ZDHHC14: variants seen among roughly 807,000 people sequenced by gnomAD.
The protein encoded by ZDHHC14 is zDHHC palmitoyltransferase 14, also known as palmitoyltransferase ZDHHC14.
A neutral mutation model predicts 47.7 loss-of-function variants in ZDHHC14; 16 were observed. The observed-to-expected ratio is 0.34, with a 90% CI of 0.23 to 0.51. The LOEUF is 0.51. ZDHHC14 is among the 20% of genes least tolerant of loss of function. ZDHHC14 has a pLI of 0.97. For synonymous variants in ZDHHC14, 293 were observed against 278.9 expected, an observed-to-expected ratio of 1.05 and a Z score of -0.50; for missense variants, 515 against 662.5, an observed-to-expected ratio of 0.78 and a Z score of 2.44.
At position 157,452,945 on chromosome 6, in the gene ZDHHC14, T is replaced by C. The variant is rs371315157; in HGVS notation, c.245+70679T>C. 3.4e-4 allele frequency among the ~76,000 whole-genome samples: 52 copies of C among 152,198 alleles called. No homozygotes were observed. In the South Asian group the frequency reaches 3.7e-3, roughly 11 times the overall value. On this transcript the variant is annotated intron_variant, in intron 1 of 8. Transcript: ENST00000359775. ...GTCTCAAACTCCTAATCTCAAATGATCCACCCGCCTTGGCCTCCCAAAGGG... is the reference window on the plus strand; with the variant it reads ...GTCTCAAACTCCTAATCTCAAATGACCCACCCGCCTTGGCCTCCCAAAGGG...
Position 157,674,548 on chromosome 6 carries a change from T to TAAATCTAACA in ZDHHC14, c.*1427_*1436dup, listed in dbSNP as rs930242170. 28 of 152,314 alleles carry TAAATCTAACA rather than the reference T, an allele frequency of 1.8e-4. No individual in the cohort carries two copies. Among genetic ancestry groups the TAAATCTAACA allele is most frequent in the African/African-American group, 6.0e-4 (25 of 41,552 alleles). The allele number at this position is 152,314 out of a possible 1,614,324, so 9.4% of individuals were successfully genotyped here. A position where few individuals can be genotyped will look rare whatever the true frequency, so the allele number is the denominator to read the frequency against. On this transcript the variant is annotated 3_prime_UTR_variant, in exon 9 of 9. Coordinates refer to ENST00000359775, the MANE Select transcript of ZDHHC14 (RefSeq NM_024630.3). ...CCTCTCCTGGCTTCTTTCCAGACCA[T>TAAATCTAACA]AAATCTAACAGCTAAAGCTACTCAA... is the stretch of plus-strand genomic sequence containing the variant.
Position 157,573,252 on chromosome 6 carries a change from C to T in ZDHHC14, c.407-19736C>T, listed in dbSNP as rs563186163. On this transcript the variant is annotated intron_variant, in intron 2 of 8. Transcript: ENST00000359775. ...GGGGACTCCTCTGCAAGTCAGAGCG[C>T]GGTCAGGGCTCTCCAACCCTTGCAC... Among the ~76,000 whole-genome samples the T allele has an allele frequency of 6.6e-5, 10 of 152,278 alleles. No homozygotes were observed. In the South Asian group the frequency reaches 8.3e-4, roughly 13 times the overall value.
chr6:157,628,574 A>G, intron 4 of ZDHHC14, 88 bp downstream of exon 4: 1 of 1,526,478 alleles, frequency 6.6e-7, no homozygotes. Context: ...TATTTTGGTC[A>G]TTTCGGGCTT....
At position 157,642,074 on chromosome 6, in the gene ZDHHC14, C is replaced by T. The variant is rs1415307809; in HGVS notation, c.753-3663C>T. Among the ~76,000 whole-genome samples the T allele has an allele frequency of 4.4e-5, 6 of 135,440 alleles. No homozygotes were observed. In the East Asian group the frequency reaches 1.4e-3, roughly 32 times the overall value. 88.9% of individuals were successfully genotyped at this position (135,440 alleles called of 152,430 possible). A position where few individuals can be genotyped will look rare whatever the true frequency, so the allele number is the denominator to read the frequency against. On this transcript the variant is annotated intron_variant, in intron 5 of 8. Transcript: ENST00000359775. ...GATAGATAGATAGATAGATAGTTATCATGTTGGAAATTAGAACTAAAAAAA... is the reference window on the plus strand; with the variant it reads ...GATAGATAGATAGATAGATAGTTATTATGTTGGAAATTAGAACTAAAAAAA...
intron 5 of ZDHHC14, among the ~76,000 whole-genome samples, chr6:157,635,320 A>G (rs1776919169): frequency 6.6e-6 from 1 of 152,110 alleles, no homozygotes; most frequent in Non-Finnish European, 1.5e-5. Flanking sequence ...AGAGCTCCTG[A>G]CAGACCTCCC....
chr6:157,565,898 A>G (rs1184137688), intron 2 of ZDHHC14, among the ~76,000 whole-genome samples: 1 of 152,042 alleles, frequency 6.6e-6, no homozygotes, highest in Non-Finnish European at 1.5e-5. Flanking sequence ...CCCCTGTTAT[A>G]TACACCTAAG....
At chr6:157,514,789 A>T (rs747568566) in intron 1 of ZDHHC14, among the ~76,000 whole-genome samples, 1 of 152,136 alleles carries the variant, frequency 6.6e-6, no homozygotes, top group Non-Finnish European at 1.5e-5. Flanking sequence ...TGTCCAAGCC[A>T]CCGATGGTAT....
intron 3 of ZDHHC14, among the ~76,000 whole-genome samples, chr6:157,601,621 G>T (rs902633722): frequency 8.5e-5 from 13 of 152,156 alleles, no homozygotes; most frequent in African/African-American, 3.1e-4. Flanking sequence ...TAAAATAGCT[G>T]TGAAATGTAA....
chr6:157,625,679 C>T (rs1338619711), intron 3 of ZDHHC14, among the ~76,000 whole-genome samples: 3 of 151,588 alleles, frequency 2.0e-5, no homozygotes, highest in Middle Eastern at 3.2e-3. Flanking sequence ...TCTGACTCCC[C>T]GGAGGCACCC....
chr6:157,672,465 C>T (rs1462579361), intron 8 of ZDHHC14, among the ~76,000 whole-genome samples: 1 of 152,098 alleles, frequency 6.6e-6, no homozygotes, highest in African/African-American at 2.4e-5. Context: ...GCTTCATAAC[C>T]AGTGGCTGCA....
chr6:157,466,434 A>C (rs1030046906), intron 1 of ZDHHC14, among the ~76,000 whole-genome samples: 1 of 152,268 alleles, frequency 6.6e-6, no homozygotes, highest in Admixed American at 6.5e-5. Context: ...GGAGGCACTC[A>C]GGAATATTTG....
chr6:157,604,867 G>A (rs375764327), intron 3 of ZDHHC14, among the ~76,000 whole-genome samples: 11 of 152,164 alleles, frequency 7.2e-5, no homozygotes, highest in East Asian at 5.8e-4. Flanking sequence ...TGCTAGGTGC[G>A]CAGTAATCTG....
At position 157,672,711 on chromosome 6, in the gene ZDHHC14, T is replaced by C. The variant is rs1778854983; in HGVS notation, c.1069-13T>C. 7.4e-7 allele frequency: 1 copy of C among 1,349,890 alleles called. No homozygotes were observed. Among genetic ancestry groups the C allele is most frequent in the Non-Finnish European group, 9.8e-7 (1 of 1,019,042 alleles). The allele number at this position is 1,349,890 out of a possible 1,614,324, so 83.6% of individuals were successfully genotyped here. On this transcript the variant is annotated splice_polypyrimidine_tract_variant and intron_variant, in intron 8 of 8. Coordinates refer to ENST00000359775, the MANE Select transcript of ZDHHC14 (RefSeq NM_024630.3). ...TCTCCACCTTCTCTTTGCTGGCGCCTCCCGCTCTCCAGTGCGACCAAGACC... is the reference window on the plus strand; with the variant it reads ...TCTCCACCTTCTCTTTGCTGGCGCCCCCCGCTCTCCAGTGCGACCAAGACC...
chr6:157,598,957 C>G (rs1342983231), intron 3 of ZDHHC14, among the ~76,000 whole-genome samples: 2 of 152,046 alleles, frequency 1.3e-5, no homozygotes, highest in Non-Finnish European at 2.9e-5. Flanking sequence ...TAGAAATGTA[C>G]AAACATACCT....
chr6:157,515,740 C>T (rs775842364), intron 1 of ZDHHC14, among the ~76,000 whole-genome samples: 3 of 152,072 alleles, frequency 2.0e-5, no homozygotes, highest in South Asian at 4.2e-4. Context: ...GCTGGGATTA[C>T]AGACGTGAGC....
chr6:157,414,618 C>A (rs911985587), intron 1 of ZDHHC14, among the ~76,000 whole-genome samples: 12 of 152,172 alleles, frequency 7.9e-5, no homozygotes, highest in African/African-American at 2.7e-4. Context: ...GGCCAAGAGA[C>A]CTATGGGATG....
rs1336390788 is a variant in ZDHHC14 at position 157,451,500 on chromosome 6, A to G, written c.245+69234A>G. 2.6e-5 allele frequency among the ~76,000 whole-genome samples: 4 copies of G among 152,276 alleles called. No individual in the cohort carries two copies. In the East Asian group the frequency reaches 7.7e-4, roughly 29 times the overall value. ...TTTAACATTTATTTATTCAGTAACCATCCACTAATAAATGAGTATATGAAT... is the reference window on the plus strand; with the variant it reads ...TTTAACATTTATTTATTCAGTAACCGTCCACTAATAAATGAGTATATGAAT... On this transcript the variant is annotated intron_variant, in intron 1 of 8. Coordinates refer to ENST00000359775, the MANE Select transcript of ZDHHC14 (RefSeq NM_024630.3).
At chr6:157,489,961 G>A (rs942069140) in intron 1 of ZDHHC14, among the ~76,000 whole-genome samples, 9 of 152,170 alleles carry the variant, frequency 5.9e-5, no homozygotes, top group African/African-American at 9.7e-5. Context: ...GACTGCTACC[G>A]TAACTGGAGA....
Position 157,612,977 on chromosome 6 carries a change from A to G in ZDHHC14, c.566-15372A>G, listed in dbSNP as rs151063540. Reference sequence around the variant, plus strand: ...TATCCTTCACCCTCAAACCTACCAGAAGCACAAATTTTAAAATGTCAGACT... The same window carrying G: ...TATCCTTCACCCTCAAACCTACCAGGAGCACAAATTTTAAAATGTCAGACT... On this transcript the variant is annotated intron_variant, in intron 3 of 8. Coordinates refer to ENST00000359775, the MANE Select transcript of ZDHHC14 (RefSeq NM_024630.3). Among the ~76,000 whole-genome samples the G allele has an allele frequency of 1.9e-3, 294 of 152,256 alleles. 2 individuals are homozygous for G. Among genetic ancestry groups the G allele is most frequent in the African/African-American group, 6.0e-3 (249 of 41,540 alleles).
Sources: allele counts gnomAD v4.1 joint callset (sites outside exome capture counted in the v4.1 genomes callset), GRCh38; gene constraint gnomAD v4.1.1; transcripts MANE v1.5; gene names NCBI Gene and HGNC (gene_info 2026-07-23, HGNC 2026-07-21).